LAMA4: variants seen among roughly 807,000 people sequenced by gnomAD.
LAMA4 encodes laminin subunit alpha-4.
A neutral mutation model predicts 207.1 loss-of-function variants in LAMA4; 127 were observed. That is an observed-to-expected ratio of 0.61 (90% confidence interval 0.53 to 0.71). The LOEUF (loss-of-function observed/expected upper bound fraction) is 0.71, where lower values mean the gene tolerates loss of function less well. LAMA4 is among the 30% of genes least tolerant of loss of function. The pLI is 0.00. For missense variants in LAMA4, 2,093 were observed against 2,246.5 expected, an observed-to-expected ratio of 0.93 and a Z score of 1.38; for synonymous variants, 761 against 816.0, an observed-to-expected ratio of 0.93 and a Z score of 1.15.
At position 112,131,075 on chromosome 6, in the gene LAMA4, A is replaced by T. The variant is rs1383787705; in HGVS notation, c.3861T>A (p.Asp1287Glu). ...SGSDVFSISL[D>E]NGTVIMDVKG... ...TTACATCCATGATGACAGTACCATT[A>T]TCCAGTGAGATGGAGAACACGTCTG... Residue 1287 changes from aspartate to glutamate, a missense_variant, in exon 29 of 39, where the codon GAT becomes GAA. Around this residue, in one of 3 missense-constraint regions of LAMA4, gnomAD observed 1,704 missense variants for 1,788.4 expected, o/e 0.95. Coordinates refer to ENST00000230538, the MANE Select transcript of LAMA4 (RefSeq NM_001105206.3). 1 of 1,613,068 alleles carries T rather than the reference A, an allele frequency of 6.2e-7. No individual in the cohort carries two copies. The highest frequency in any genetic ancestry group is 1.3e-5 in the African/African-American group (1 of 74,878).
intron 4 of LAMA4, among the ~76,000 whole-genome samples, chr6:112,204,280 C>T (rs1416631693): frequency 6.6e-6 from 1 of 151,992 alleles, no homozygotes; most frequent in African/African-American, 2.4e-5. Flanking sequence ...AATAAGTGCT[C>T]GATAAATATC....
chr6:112,212,236 T>C (rs1168818306), intron 3 of LAMA4, among the ~76,000 whole-genome samples: 13 of 151,896 alleles, frequency 8.6e-5, no homozygotes, highest in African/African-American at 2.7e-4. Flanking sequence ...ATTTTTTTTT[T>C]TTTTTTTAAC....
Position 112,130,988 on chromosome 6 carries a change from A to G in LAMA4, c.3948T>C (p.Ile1316=). The change falls in exon 29 of 39, where the codon ATT becomes ATC. Residue 1316 remains isoleucine (I), a synonymous_variant. Transcript: ENST00000230538. ...TATACCTTGTGGGTGAGACAGAGCT[A>G]ATGACGAAGTGGGACAGCCCATCAT... The part of the protein sequence containing the change: ...QYNDGLSHFV[I]SSVSPTRYEL... The G allele has an allele frequency of 6.2e-7, 1 of 1,613,194 alleles. No homozygotes were observed. The highest frequency in any genetic ancestry group is 8.5e-7 in the Non-Finnish European group (1 of 1,179,274).
intron 11 of LAMA4, 135 bp downstream of exon 11, chr6:112,175,178 A>G: frequency 2.3e-6 from 2 of 859,884 alleles, no homozygotes; most frequent in Non-Finnish European, 3.9e-6. Context: ...CTGTGGCCAC[A>G]TGTAGATTCT....
chr6:112,134,721 G>A (rs547150802), intron 25 of LAMA4, 112 bp from the exon 26 acceptor site: 1 of 856,466 alleles, frequency 1.2e-6, no homozygotes, highest in Non-Finnish European at 1.9e-6. Flanking sequence ...CCATGCCTTT[G>A]TGCTTGTTTG....
At chr6:112,147,253 C>T (rs1554334723) in intron 18 of LAMA4, among the ~76,000 whole-genome samples, 1 of 151,926 alleles carries the variant, frequency 6.6e-6, no homozygotes, top group East Asian at 1.9e-4. Context: ...CTTTTAAAGA[C>T]AAAATTTTAA....
chr6:112,208,331 C>A lies in LAMA4; in HGVS notation c.298-1186G>T, dbSNP rs531727603. ...CTGAACTCTGAGGTCCTTATTTTGG[C>A]CTTTATGCTTTATTTGAGGTTCAGA... On this transcript the variant is annotated intron_variant, in intron 3 of 38. Transcript: ENST00000230538. 3.9e-5 allele frequency among the ~76,000 whole-genome samples: 6 copies of A among 152,184 alleles called. No homozygotes were observed. The South Asian group carries it at 8.3e-4, about 21-fold the overall frequency.
chr6:112,151,526 C>T (rs781911531), intron 16 of LAMA4, among the ~76,000 whole-genome samples: 5 of 152,142 alleles, frequency 3.3e-5, no homozygotes, highest in Non-Finnish European at 5.9e-5. Context: ...ATTTATTTAT[C>T]ATTTATATAT....
At chr6:112,156,990 A>G (rs1303497409) in intron 14 of LAMA4, among the ~76,000 whole-genome samples, 1 of 152,112 alleles carries the variant, frequency 6.6e-6, no homozygotes, top group African/African-American at 2.4e-5. Context: ...TCTTTATACC[A>G]ATGCAGACAT....
At chr6:112,232,998 A>G (rs1163729614) in intron 2 of LAMA4, among the ~76,000 whole-genome samples, 1 of 152,234 alleles carries the variant, frequency 6.6e-6, no homozygotes, top group Non-Finnish European at 1.5e-5. Flanking sequence ...TTGTTCCAAT[A>G]TAAACATTTC....
chr6:112,198,144 G>A (rs935502498), intron 5 of LAMA4, among the ~76,000 whole-genome samples: 6 of 152,072 alleles, frequency 3.9e-5, no homozygotes, highest in African/African-American at 1.2e-4. Context: ...ATGAGAATCC[G>A]ACGGGAAGTC....
intron 28 of LAMA4, among the ~76,000 whole-genome samples, chr6:112,131,626 A>G (rs1429569312): frequency 2.6e-5 from 4 of 152,118 alleles, no homozygotes; most frequent in Non-Finnish European, 5.9e-5. Flanking sequence ...CTTTCCTTAT[A>G]TGGGCACCAA....
At chr6:112,123,347 A>T (rs1452628960) in intron 31 of LAMA4, among the ~76,000 whole-genome samples, 2 of 152,196 alleles carry the variant, frequency 1.3e-5, no homozygotes, top group Admixed American at 6.5e-5. Flanking sequence ...GTTGAGGATT[A>T]CTGAATGAGC....
Position 112,182,137 on chromosome 6 carries a change from A to G in LAMA4, c.1077+3100T>C, listed in dbSNP as rs146742674. Among the ~76,000 whole-genome samples the G allele has an allele frequency of 1.9e-3, 278 of 142,796 alleles. 1 individual carries two copies. The highest frequency in any genetic ancestry group is 6.6e-3 in the African/African-American group (255 of 38,704). 93.7% of individuals were successfully genotyped at this position (142,796 alleles called of 152,430 possible). A position where few individuals can be genotyped will look rare whatever the true frequency, so the allele number is the denominator to read the frequency against. On this transcript the variant is annotated intron_variant, in intron 9 of 38. Coordinates refer to ENST00000230538, the MANE Select transcript of LAMA4 (RefSeq NM_001105206.3). ...ATAAATAAATAAATAAATAAATATT[A>G]TATACAGATGTTCAATAATGCTTCT...
At position 112,117,666 on chromosome 6, in the gene LAMA4, C is replaced by T. The variant is rs1251486587; in HGVS notation, c.4981+73G>A. ...GGCATTCTTAAGTTTTAACTCTGGG[C>T]CTGATATTCCCTGTTAGCCATCTCC... On this transcript the variant is annotated intron_variant, in intron 35 of 38. Coordinates refer to ENST00000230538, the MANE Select transcript of LAMA4 (RefSeq NM_001105206.3). The surrounding 1 kb of genome is among the most constrained non-coding windows in gnomAD (Gnocchi z 4.5). The T allele has an allele frequency of 2.8e-6, 4 of 1,446,220 alleles. No individual in the cohort carries two copies. In the African/African-American group the frequency reaches 4.2e-5, roughly 15 times the overall value. The allele number at this position is 1,446,220 out of a possible 1,614,324, so 89.6% of individuals were successfully genotyped here. A position where few individuals can be genotyped will look rare whatever the true frequency, so the allele number is the denominator to read the frequency against.
chr6:112,191,881 T>G, intron 5 of LAMA4, 31 bp from the exon 6 acceptor site: 1 of 1,488,164 alleles, frequency 6.7e-7, no homozygotes, highest in Non-Finnish European at 9.4e-7. Context: ...TTTAAATATT[T>G]AGCATCATGG....
At chr6:112,241,687 G>A (rs1386394671) in intron 2 of LAMA4, among the ~76,000 whole-genome samples, 1 of 152,176 alleles carries the variant, frequency 6.6e-6, no homozygotes, top group Non-Finnish European at 1.5e-5. Context: ...AACACAGCAA[G>A]TGCTAATCAA....
At chr6:112,218,700 C>T (rs1443955513) in intron 2 of LAMA4, 2 of 152,342 alleles carry the variant, frequency 1.3e-5, no homozygotes, top group South Asian at 2.1e-4. Context: ...TATCCACTTA[C>T]CACTCCCCAA....
At chr6:112,205,615 C>T (rs1266604491) in intron 4 of LAMA4, among the ~76,000 whole-genome samples, 1 of 152,098 alleles carries the variant, frequency 6.6e-6, no homozygotes, top group East Asian at 1.9e-4. Context: ...TCCTGTAATT[C>T]TTGGAATTTC....
Sources: gnomAD v4.1 joint callset for allele counts (sites outside exome capture counted in the v4.1 genomes callset) on GRCh38, gnomAD v4.1.1 for gene constraint, gnomAD v4.1.1 regional missense constraint, Gnocchi (gnomAD v3.1) non-coding constraint, MANE v1.5 for transcripts, NCBI Gene and HGNC (gene_info 2026-07-23, HGNC 2026-07-21) for gene names.